Variants in NAALADL2 observed in about 807,000 individuals in gnomAD.
NAALADL2 encodes the protein N-acetylated alpha-linked acidic dipeptidase like 2.
In NAALADL2, 76 loss-of-function variants were observed where a neutral mutation model predicts 87.2. The ratio of observed to expected loss-of-function variants is 0.87; its 90% CI spans 0.72 to 1.05. The LOEUF (loss-of-function observed/expected upper bound fraction) is 1.05. Ranked by LOEUF, NAALADL2 falls within the 50% of genes least tolerant of loss-of-function variation. NAALADL2 has a pLI of 0.00. For missense variants in NAALADL2, 1,089 were observed against 945.8 expected (o/e 1.15, Z -1.99); for synonymous variants, 354 against 331.0 (o/e 1.07, Z -0.75).
intron 3 of NAALADL2, among the ~76,000 whole-genome samples, chr3:174,801,528 T>C (rs1190948738): frequency 1.3e-5 from 2 of 152,304 alleles, no homozygotes; most frequent in East Asian, 3.9e-4. Context: ...AACAGACTAA[T>C]AGAACATCCT....
intron 11 of NAALADL2, among the ~76,000 whole-genome samples, chr3:175,678,003 T>C (rs1235211113): frequency 6.6e-6 from 1 of 152,156 alleles, no homozygotes; most frequent in Non-Finnish European, 1.5e-5. Context: ...AGGAATTTTA[T>C]GGGAAATTTG....
chr3:174,694,986 C>T (rs1272689475), intron 2 of NAALADL2, among the ~76,000 whole-genome samples: 4 of 151,992 alleles, frequency 2.6e-5, no homozygotes, highest in African/African-American at 9.7e-5. Context: ...GCAAGGAATT[C>T]ATTGTCTAAC....
chr3:175,578,225 A>C (rs1719193385), intron 10 of NAALADL2, among the ~76,000 whole-genome samples: 1 of 152,096 alleles, frequency 6.6e-6, no homozygotes, highest in Non-Finnish European at 1.5e-5. Context: ...CAGGAGTTTG[A>C]TACCTGGGCA....
intron 1 of NAALADL2, among the ~76,000 whole-genome samples, chr3:174,951,897 C>A (rs1008737049): frequency 6.6e-6 from 1 of 151,980 alleles, no homozygotes; most frequent in Non-Finnish European, 1.5e-5. Context: ...TGTTATTATT[C>A]CCCTATATCA....
chr3:174,974,247 G>A (rs1013774220), intron 1 of NAALADL2, among the ~76,000 whole-genome samples: 2 of 152,184 alleles, frequency 1.3e-5, no homozygotes, highest in African/African-American at 2.4e-5. Flanking sequence ...GGTTAAACTC[G>A]CAGCACTTGA....
Position 174,497,675 on chromosome 3 carries a change from C to T in NAALADL2, c.-183-52894C>T, listed in dbSNP as rs142696228. Among the ~76,000 whole-genome samples, 3 of 152,226 alleles carry T rather than the reference C, an allele frequency of 2.0e-5. No individual in the cohort carries two copies. In the East Asian group the frequency reaches 5.8e-4, roughly 29 times the overall value. On this transcript the variant is annotated intron_variant, in intron 1 of 3. Coordinates refer to the NAALADL2 transcript ENST00000434257. ...GAGCATGACTTCTTGATGGTGGAGA[C>T]TCAGTCTTATTTATCTTTTTATCTT... is the stretch of plus-strand genomic sequence containing the variant.
intron 2 of NAALADL2, among the ~76,000 whole-genome samples, chr3:175,132,552 G>T: frequency 1.1e-5 from 1 of 89,296 alleles, no homozygotes. Flanking sequence ...GAATGGCCGG[G>T]CGGGGGGGCT....
intron 2 of NAALADL2, among the ~76,000 whole-genome samples, chr3:174,601,594 T>A (rs473894): frequency 0.17 from 26,257 of 152,140 alleles, 2,821 homozygotes; most frequent in African/African-American, 0.29. Context: ...ATTCTGTGGG[T>A]TGTCTGTTCA....
intron 2 of NAALADL2, among the ~76,000 whole-genome samples, chr3:175,231,283 T>G (rs1744899284): frequency 1.4e-5 from 2 of 146,448 alleles, no homozygotes; most frequent in Admixed American, 1.4e-4. Context: ...TTGATAATAT[T>G]AGAGATCTTC....
At chr3:175,352,392 G>A (rs1440274878) in intron 5 of NAALADL2, among the ~76,000 whole-genome samples, 5 of 152,196 alleles carry the variant, frequency 3.3e-5, no homozygotes, top group Non-Finnish European at 7.4e-5. Flanking sequence ...GGATCCGAAT[G>A]TACTGTGTAC....
chr3:174,913,342 C>T (rs976563186), intron 1 of NAALADL2, among the ~76,000 whole-genome samples: 1 of 152,266 alleles, frequency 6.6e-6, no homozygotes, highest in Admixed American at 6.5e-5. Context: ...TCATCCCTCA[C>T]TATTTTCCTT....
intron 1 of NAALADL2, among the ~76,000 whole-genome samples, chr3:174,953,103 A>T (rs1740621833): frequency 6.6e-6 from 1 of 152,030 alleles, no homozygotes; most frequent in South Asian, 2.1e-4. Flanking sequence ...AGGTTTACAG[A>T]AGAAGAAATT....
chr3:175,520,046 A>T (rs776086040), intron 9 of NAALADL2, among the ~76,000 whole-genome samples: 2 of 152,130 alleles, frequency 1.3e-5, no homozygotes, highest in African/African-American at 2.4e-5. Context: ...TATAGTTTCT[A>T]TTATAATAGA....
intron 3 of NAALADL2, among the ~76,000 whole-genome samples, chr3:174,825,944 G>C (rs1474687745): frequency 6.6e-6 from 1 of 151,932 alleles, no homozygotes; most frequent in Non-Finnish European, 1.5e-5. Flanking sequence ...GGAGAATGGC[G>C]TGAACCCTGG....
Position 175,276,537 on chromosome 3 carries a change from T to C in NAALADL2, c.939+20007T>C, listed in dbSNP as rs546856804. Among the ~76,000 whole-genome samples the C allele has an allele frequency of 1.2e-3, 179 of 152,176 alleles. 1 individual carries two copies. The highest frequency in any genetic ancestry group is 4.2e-3 in the African/African-American group (176 of 41,530). On this transcript the variant is annotated intron_variant, in intron 4 of 13. Transcript: ENST00000454872. ...CCAGGATGGTCTCGATTTCCTGACCTTATGATCTGCCCACCTCGGCCTCCC... is the reference window on the plus strand; with the variant it reads ...CCAGGATGGTCTCGATTTCCTGACCCTATGATCTGCCCACCTCGGCCTCCC...
intron 2 of NAALADL2, among the ~76,000 whole-genome samples, chr3:175,198,811 C>T (rs1317057978): frequency 6.7e-6 from 1 of 149,428 alleles, no homozygotes; most frequent in Admixed American, 6.7e-5. Flanking sequence ...CCCAAAAACT[C>T]AGGATTTTCA....
At chr3:174,553,654 A>G (rs969227677) in intron 2 of NAALADL2, among the ~76,000 whole-genome samples, 4 of 152,172 alleles carry the variant, frequency 2.6e-5, no homozygotes, top group African/African-American at 4.8e-5. Flanking sequence ...TTTGATGTAT[A>G]TATCTTCATC....
At chr3:175,351,442 C>A (rs578231244) in intron 5 of NAALADL2, among the ~76,000 whole-genome samples, 20 of 144,228 alleles carry the variant, frequency 1.4e-4, no homozygotes, top group African/African-American at 4.9e-4. Context: ...ACACAATCCA[C>A]GTCCAAACAA....
At chr3:175,611,740 CT>C in intron 10 of NAALADL2, among the ~76,000 whole-genome samples, 1 of 152,164 alleles carries the variant, frequency 6.6e-6, no homozygotes, top group Admixed American at 6.5e-5. Flanking sequence ...AGGAAATAGT[CT>C]GTTCTATGTT....
Sources: allele counts gnomAD v4.1 joint callset (sites outside exome capture counted in the v4.1 genomes callset), GRCh38; gene constraint gnomAD v4.1.1; transcripts MANE v1.5; gene names NCBI Gene and HGNC (gene_info 2026-07-23, HGNC 2026-07-21).